Variants in ARHGEF6 observed in about 807,000 individuals in gnomAD.
The protein encoded by ARHGEF6 is Rac/Cdc42 guanine nucleotide exchange factor 6, also known as rho guanine nucleotide exchange factor 6.
In ARHGEF6, 9 loss-of-function variants were observed where a neutral mutation model predicts 70.3. The observed-to-expected ratio is 0.13, with a 90% confidence interval of 0.08 to 0.22. The LOEUF is 0.22. Ranked by LOEUF, ARHGEF6 falls within the 10% of genes least tolerant of loss-of-function variation. The pLI, the probability that ARHGEF6 is intolerant of heterozygous loss-of-function variation, is 1.00. For synonymous variants in ARHGEF6, 201 were observed against 207.8 expected (o/e 0.97, Z 0.28); for missense variants, 470 against 563.0 (o/e 0.83, Z 1.67).
At chrX:136,744,261 T>C (rs757895748) in intron 4 of ARHGEF6, among the ~76,000 whole-genome samples, 1 of 112,339 alleles carries the variant, frequency 8.9e-6, no homozygotes, top group East Asian at 2.8e-4. Flanking sequence ...AAGACTTATT[T>C]ATATGCAAAG....
intron 4 of ARHGEF6, among the ~76,000 whole-genome samples, chrX:136,744,500 A>G (rs188782126): frequency 5.1e-4 from 57 of 111,888 alleles, no homozygotes; most frequent in African/African-American, 1.6e-3. Flanking sequence ...GGGCTTTTGT[A>G]TACAATTTGA....
At chrX:136,728,667 A>G (rs1190924725) in intron 6 of ARHGEF6, among the ~76,000 whole-genome samples, 1 of 108,517 alleles carries the variant, frequency 9.2e-6, no homozygotes, top group African/African-American at 3.4e-5. Context: ...TGTGTCTGTA[A>G]GGGTTTTCCA....
In ARHGEF6 at chrX:136,708,707, C is replaced by T; in HGVS notation, c.891G>A (p.Gln297=). 8.3e-7 allele frequency: 1 copy of T among 1,206,832 alleles called. No homozygotes were observed. Among genetic ancestry groups the T allele is most frequent in the Non-Finnish European group, 1.1e-6 (1 of 891,898 alleles). Residue 297 remains glutamine, a synonymous_variant, in exon 8 of 22, where the codon CAG becomes CAA. Coordinates refer to ENST00000250617, the MANE Select transcript of ARHGEF6 (RefSeq NM_004840.3). ...GNFEEVCTFQ[Q]TLCQALEECS... is the part of the protein sequence containing the mutation. Reference sequence around the variant, plus strand: ...ATTCTTCCAAGGCTTGGCAGAGTGTCTGTTGAAATGTGCATACTTCCTCGA... The same window carrying T: ...ATTCTTCCAAGGCTTGGCAGAGTGTTTGTTGAAATGTGCATACTTCCTCGA...
intron 20 of ARHGEF6, 65 bp downstream of exon 20, chrX:136,671,955 C>A (rs12559068): frequency 0.013 from 11,663 of 928,675 alleles, 71 homozygotes; most frequent in Non-Finnish European, 0.016. Context: ...AGGAGCTCCC[C>A]GTCCTACCAG....
intron 9 of ARHGEF6, among the ~76,000 whole-genome samples, chrX:136,705,673 C>T (rs1346559095): frequency 8.9e-6 from 1 of 112,003 alleles, no homozygotes; most frequent in Non-Finnish European, 1.9e-5. Flanking sequence ...GAGCCACTTG[C>T]CTAAAAATGC....
chrX:136,768,667 A>T (rs1168368997), intron 2 of ARHGEF6: 3 of 112,391 alleles, frequency 2.7e-5, no homozygotes, highest in African/African-American at 9.7e-5. Context: ...AACTACTGGT[A>T]ATTGTAGTGG....
intron 5 of ARHGEF6, among the ~76,000 whole-genome samples, chrX:136,735,504 C>A (rs765971721): frequency 1.8e-5 from 2 of 111,027 alleles, no homozygotes; most frequent in East Asian, 5.6e-4. Flanking sequence ...CTAACTAGAA[C>A]GAACATGAAA....
intron 2 of ARHGEF6, among the ~76,000 whole-genome samples, chrX:136,772,312 T>G (rs1044265373): frequency 9.0e-6 from 1 of 111,690 alleles, no homozygotes; most frequent in African/African-American, 3.3e-5. Context: ...CAAAAAAAAT[T>G]GAAAGAATGA....
At chrX:136,729,817 G>C (rs2076917095) in intron 6 of ARHGEF6, among the ~76,000 whole-genome samples, 1 of 107,609 alleles carries the variant, frequency 9.3e-6, no homozygotes, top group African/African-American at 3.4e-5. Context: ...GCGACAGAGT[G>C]AGACTCCATG....
intron 5 of ARHGEF6, among the ~76,000 whole-genome samples, chrX:136,742,177 G>A (rs751949287): frequency 9.0e-6 from 1 of 111,385 alleles, no homozygotes; most frequent in Non-Finnish European, 1.9e-5. Context: ...AATTTAGCCA[G>A]GCGTGGTGGC....
chrX:136,768,685 G>A (rs1366515277), intron 2 of ARHGEF6: 1 of 112,179 alleles, frequency 8.9e-6, no homozygotes, highest in South Asian at 3.7e-4. Context: ...TGGTTAGGCC[G>A]GGCCTTGTGC....
intron 2 of ARHGEF6, among the ~76,000 whole-genome samples, chrX:136,753,739 T>C (rs1395061269): frequency 1.8e-5 from 2 of 112,225 alleles, no homozygotes; most frequent in African/African-American, 3.2e-5. Flanking sequence ...ATGTGTTGAG[T>C]ACTACAGAAT....
chrX:136,683,645 C>A (rs1028221885), intron 12 of ARHGEF6, among the ~76,000 whole-genome samples: 17 of 112,022 alleles, frequency 1.5e-4, no homozygotes, highest in Non-Finnish European at 3.8e-5. Context: ...ACTGAGGAAA[C>A]CTTGAAACGT....
At chrX:136,715,914 G>A (rs927557628) in intron 6 of ARHGEF6, among the ~76,000 whole-genome samples, 2 of 112,125 alleles carry the variant, frequency 1.8e-5, no homozygotes, top group South Asian at 7.4e-4. Flanking sequence ...CCTATTTTTT[G>A]TTTGTTTGTT....
chrX:136,771,579 T>C (rs1440517331), intron 2 of ARHGEF6, among the ~76,000 whole-genome samples: 1 of 111,928 alleles, frequency 8.9e-6, no homozygotes, highest in African/African-American at 3.2e-5. Flanking sequence ...AAAAATTAAC[T>C]CAAAATAGAT....
intron 11 of ARHGEF6, among the ~76,000 whole-genome samples, chrX:136,686,661 CATGTGT>C (rs1290040425): frequency 1.8e-4 from 12 of 66,043 alleles, no homozygotes; most frequent in African/African-American, 6.5e-4. Flanking sequence ...TATATATACA[CATGTGT>C]ATATATATAT....
At chrX:136,751,940 G>A (rs987971892) in intron 2 of ARHGEF6, among the ~76,000 whole-genome samples, 1 of 111,171 alleles carries the variant, frequency 9.0e-6, no homozygotes, top group African/African-American at 3.3e-5. Context: ...CCCATTCCAC[G>A]GATGAGTAAA....
In ARHGEF6 at chrX:136,686,428, G is replaced by GA. The variant is rs1192328135; in HGVS notation, c.1246-606dup. On this transcript the variant is annotated intron_variant, in intron 11 of 21. Transcript: ENST00000250617. ...TTTGTTTAAGGACCAAGATTGCTGTGAAAAAAATACTAAATTAGTTTTTAT... is the reference window on the plus strand; with the variant it reads ...TTTGTTTAAGGACCAAGATTGCTGTGAAAAAAAATACTAAATTAGTTTTTAT... Among the ~76,000 whole-genome samples, 3 of 106,392 alleles carry GA rather than the reference G, an allele frequency of 2.8e-5. No individual in the cohort carries two copies. The South Asian group carries it at 1.2e-3, about 44-fold the overall frequency. 92.4% of individuals were successfully genotyped at this position (106,392 alleles called of 115,157 possible).
intron 4 of ARHGEF6, among the ~76,000 whole-genome samples, chrX:136,744,945 C>A (rs1050547174): frequency 1.8e-5 from 2 of 112,130 alleles, no homozygotes; most frequent in Non-Finnish European, 3.8e-5. Context: ...CAGAAAGTAG[C>A]CATAATGACT....
Sources: allele counts gnomAD v4.1 joint callset (sites outside exome capture counted in the v4.1 genomes callset), GRCh38; gene constraint gnomAD v4.1.1; transcripts MANE v1.5; gene names NCBI Gene and HGNC (gene_info 2026-07-23, HGNC 2026-07-21).